GPD2: variants seen among roughly 807,000 people sequenced by gnomAD.
GPD2 encodes glycerol-3-phosphate dehydrogenase, mitochondrial.
In GPD2, 54 loss-of-function variants were observed where a neutral mutation model predicts 82.4. The observed-to-expected ratio is 0.66, with a 90% CI of 0.53 to 0.82. GPD2 has a LOEUF of 0.82. Among genes scored for constraint, GPD2 ranks in the 40% least tolerant of loss-of-function variants. GPD2 has a pLI of 0.00. For synonymous variants in GPD2, 288 were observed against 306.1 expected (o/e 0.94, Z 0.62); for missense variants, 748 against 896.2 (o/e 0.83, Z 2.11).
At chr2:156,535,427 A>G (rs1171264433) in intron 6 of GPD2, among the ~76,000 whole-genome samples, 6 of 46,546 alleles carry the variant, frequency 1.3e-4, no homozygotes, top group South Asian at 1.1e-3. Context: ...TAGGAAAGAG[A>G]GGGGGGTGGG....
At chr2:156,424,038 G>A in the GPD2 span, among the ~76,000 whole-genome samples, 1 of 152,206 alleles carries the variant, frequency 6.6e-6, no homozygotes, top group African/African-American at 2.4e-5. Context: ...AACCTGGGTT[G>A]AATATGCAGT....
chr2:156,574,748 G>A (rs1574017550), intron 13 of GPD2, among the ~76,000 whole-genome samples: 1 of 152,280 alleles, frequency 6.6e-6, no homozygotes, highest in East Asian at 1.9e-4. Flanking sequence ...GAATAATGTG[G>A]ATGTGTATGA....
intron 1 of GPD2, among the ~76,000 whole-genome samples, chr2:156,437,372 G>A (rs749328315): frequency 2.7e-4 from 41 of 152,168 alleles, no homozygotes; most frequent in Non-Finnish European, 5.3e-4. Context: ...GACGGTGCTG[G>A]CAGCTGTCAC....
intron 1 of GPD2, among the ~76,000 whole-genome samples, chr2:156,471,945 A>G (rs1479149293): frequency 6.6e-6 from 1 of 152,238 alleles, no homozygotes. Flanking sequence ...CCTTGCAAGA[A>G]TTAGAGCTAG....
intron 6 of GPD2, among the ~76,000 whole-genome samples, chr2:156,544,729 G>A (rs1186846575): frequency 1.3e-5 from 2 of 152,122 alleles, no homozygotes; most frequent in African/African-American, 4.8e-5. Context: ...AATTTCAGAT[G>A]TACCCGGCTC....
the GPD2 span, among the ~76,000 whole-genome samples, chr2:156,426,232 T>C: frequency 6.6e-6 from 1 of 152,204 alleles, no homozygotes; most frequent in East Asian, 1.9e-4. Flanking sequence ...CAAGTCTGGG[T>C]ACTTTATAAA....
intron 1 of GPD2, among the ~76,000 whole-genome samples, chr2:156,451,159 G>A (rs1290954118): frequency 2.6e-5 from 4 of 151,432 alleles, no homozygotes; most frequent in South Asian, 2.1e-4. Context: ...ATCATGGCCC[G>A]TTCTCAATGA....
At chr2:156,452,099 G>C (rs1197394331) in intron 1 of GPD2, among the ~76,000 whole-genome samples, 1 of 149,920 alleles carries the variant, frequency 6.7e-6, no homozygotes, top group East Asian at 2.0e-4. Context: ...GGCTCCTCAC[G>C]TCCCAGACGA....
chr2:156,470,374 T>G (rs1347420613), intron 1 of GPD2, among the ~76,000 whole-genome samples: 1 of 152,138 alleles, frequency 6.6e-6, no homozygotes, highest in Non-Finnish European at 1.5e-5. Context: ...TTTTAAATTT[T>G]CTTTAATAGA....
At chr2:156,549,065 T>C (rs1686655007) in intron 6 of GPD2, among the ~76,000 whole-genome samples, 1 of 152,316 alleles carries the variant, frequency 6.6e-6, no homozygotes, top group East Asian at 1.9e-4. Context: ...AAAAGTTACA[T>C]TTTAAGAAGC....
the GPD2 span, among the ~76,000 whole-genome samples, chr2:156,423,875 T>G: frequency 6.6e-6 from 1 of 152,148 alleles, no homozygotes; most frequent in Non-Finnish European, 1.5e-5. Flanking sequence ...CAGTAGCCAG[T>G]AAGTGTAAAA....
chr2:156,540,052 A>C (rs1686246418), intron 6 of GPD2, among the ~76,000 whole-genome samples: 1 of 152,206 alleles, frequency 6.6e-6, no homozygotes, highest in Non-Finnish European at 1.5e-5. Context: ...TAAACAGAAA[A>C]GAAATTCTCT....
intron 7 of GPD2, among the ~76,000 whole-genome samples, 163 bp from the exon 8 acceptor site, chr2:156,550,439 A>T (rs553778258): frequency 6.6e-6 from 1 of 152,302 alleles, no homozygotes; most frequent in East Asian, 1.9e-4. Context: ...CTCAGATGAG[A>T]GCCTTTTGTT....
At chr2:156,562,675 A>G (rs971434087) in intron 9 of GPD2, among the ~76,000 whole-genome samples, 9 of 152,160 alleles carry the variant, frequency 5.9e-5, no homozygotes, top group African/African-American at 1.4e-4. Flanking sequence ...ATTTTCTACT[A>G]ATTTTTAAAA....
At chr2:156,497,727 A>G (rs1413801836) in intron 3 of GPD2, among the ~76,000 whole-genome samples, 1 of 152,162 alleles carries the variant, frequency 6.6e-6, no homozygotes, top group East Asian at 1.9e-4. Context: ...CAGACCTCAC[A>G]GCCTAAGTTG....
At chr2:156,461,300 T>C (rs1313451871) in intron 1 of GPD2, among the ~76,000 whole-genome samples, 1 of 151,798 alleles carries the variant, frequency 6.6e-6, no homozygotes, top group Non-Finnish European at 1.5e-5. Flanking sequence ...AAAGGCATCC[T>C]CTATACTGCA....
chr2:156,416,514 G>GTTTTT, the GPD2 span, among the ~76,000 whole-genome samples: 2 of 117,926 alleles, frequency 1.7e-5, no homozygotes, highest in Non-Finnish European at 1.8e-5. Context: ...TGCCCAGCTA[G>GTTTTT]TTTTTTTTTT....
chr2:156,469,978 G>A (rs1683273572), intron 1 of GPD2, among the ~76,000 whole-genome samples: 2 of 152,156 alleles, frequency 1.3e-5, no homozygotes, highest in Admixed American at 6.5e-5. Flanking sequence ...TAAAGTGAAA[G>A]TGAAGGAATA....
chr2:156,561,040 CTTTTTTTTTTTTT>C (rs35948070), intron 9 of GPD2, among the ~76,000 whole-genome samples: 5 of 27,632 alleles, frequency 1.8e-4, no homozygotes, highest in African/African-American at 7.0e-4. Flanking sequence ...TGACATTAAG[CTTTTTTTTTTTTT>C]TTTTTTTTTT....
Sources: gnomAD v4.1 joint callset for allele counts (sites outside exome capture counted in the v4.1 genomes callset) on GRCh38, gnomAD v4.1.1 for gene constraint, MANE v1.5 for transcripts, NCBI Gene and HGNC (gene_info 2026-07-23, HGNC 2026-07-21) for gene names.